The following ADGRB2 variants were observed in gnomAD, a reference collection of about 807,000 sequenced individuals.
ADGRB2 encodes the protein brain-specific angiogenesis inhibitor 2.
ADGRB2 carries 47 observed loss-of-function variants against 178.7 expected under a neutral mutation model. The observed-to-expected ratio is 0.26, with a 90% CI of 0.21 to 0.34. The LOEUF (loss-of-function observed/expected upper bound fraction) is 0.34. Among genes scored for constraint, ADGRB2 ranks in the 10% least tolerant of loss-of-function variants. The probability of loss-of-function intolerance (pLI) is 1.00; values close to 1 mark genes in which losing one functional copy is unlikely to be tolerated. For synonymous variants in ADGRB2, 870 were observed against 912.4 expected, an observed-to-expected ratio of 0.95 and a Z score of 0.84; for missense variants, 1,584 against 2,180.8, an observed-to-expected ratio of 0.73 and a Z score of 5.45.
intron 4 of ADGRB2, among the ~76,000 whole-genome samples, chr1:31,749,651 G>A (rs1461660949): frequency 6.6e-6 from 1 of 152,230 alleles, no homozygotes; most frequent in Non-Finnish European, 1.5e-5. Flanking sequence ...GGTGGCTCAC[G>A]CCTGCAATCA....
chr1:31,756,664 AAG>A lies in ADGRB2; in HGVS notation c.171_172del (p.Phe58SerfsTer15). 1 of 1,609,448 alleles carries A rather than the reference AAG, an allele frequency of 6.2e-7. No individual in the cohort carries two copies. Among genetic ancestry groups the A allele is most frequent in the Non-Finnish European group, 8.5e-7 (1 of 1,177,788 alleles). On this transcript the variant is annotated frameshift_variant, in exon 4 of 33. Transcript: ENST00000373658. LOFTEE classifies it high-confidence loss of function. The surrounding 1 kb of genome is among the most constrained non-coding windows in gnomAD (Gnocchi z 8.5). ...GGAGCAGCCCGAGGCGATGGTAGGA[AAG>A]AGGTCCTGCAGCGAGAAGGCCCCGT... is the stretch of plus-strand genomic sequence containing the variant.
chr1:31,739,357 T>C lies in ADGRB2; in HGVS notation c.2446A>G (p.Ile816Val). 1 of 1,498,866 alleles carries C rather than the reference T, an allele frequency of 6.7e-7. No individual in the cohort carries two copies. The highest frequency in any genetic ancestry group is 8.9e-7 in the Non-Finnish European group (1 of 1,121,520). 92.8% of individuals were successfully genotyped at this position (1,498,866 alleles called of 1,614,324 possible). The stretch of plus-strand genomic sequence containing the variant: ...AGGGTGCGGTAGAGTACAGCACCGA[T>C]CACAAAGTAGGAGGACTCATCAGGG... ...ADPDESSYFV[I>V]GAVLYRTLGL... Residue 816 changes from isoleucine (I) to valine (V), a missense_variant, in exon 15 of 33, where the codon ATC (isoleucine) becomes GTC (valine). Around this residue, in one of 3 missense-constraint regions of ADGRB2, gnomAD observed 865 missense variants for 1,192.8 expected, o/e 0.73. Coordinates refer to ENST00000373658, the MANE Select transcript of ADGRB2 (RefSeq NM_001364857.2).
intron 4 of ADGRB2, among the ~76,000 whole-genome samples, chr1:31,749,744 TCTACAAA>T (rs1244869816): frequency 6.6e-6 from 1 of 152,172 alleles, no homozygotes; most frequent in Non-Finnish European, 1.5e-5. Flanking sequence ...AAACCCCGTC[TCTACAAA>T]GAAATACAAA....
Position 31,728,487 on chromosome 1 carries a change from C to T in ADGRB2, c.4416+111G>A. The T allele has an allele frequency of 6.6e-7, 1 of 1,525,728 alleles. No individual in the cohort carries two copies. Among genetic ancestry groups the T allele is most frequent in the Non-Finnish European group, 9.1e-7 (1 of 1,100,964 alleles). The allele number at this position is 1,525,728 out of a possible 1,614,324, so 94.5% of individuals were successfully genotyped here. A position where few individuals can be genotyped will look rare whatever the true frequency, so the allele number is the denominator to read the frequency against. ...ATCCCACGGAACCCCCGGGCTTGGGCTCCTGGGGTCAGGCTCTGCAACAGA... is the reference window on the plus strand; with the variant it reads ...ATCCCACGGAACCCCCGGGCTTGGGTTCCTGGGGTCAGGCTCTGCAACAGA... On this transcript the variant is annotated intron_variant, in intron 30 of 32. Coordinates refer to ENST00000373658, the MANE Select transcript of ADGRB2 (RefSeq NM_001364857.2). This position sits in a 1 kb window ranked among gnomAD's most constrained non-coding sequence, Gnocchi z 6.7.
intron 6 of ADGRB2, 32 bp from the exon 7 acceptor site, chr1:31,743,034 G>A (rs1044657038): frequency 6.0e-5 from 82 of 1,377,614 alleles, no homozygotes; most frequent in Middle Eastern, 2.7e-4. Context: ...GTGGCTGGGC[G>A]GCACCATGGC....
Position 31,742,861 on chromosome 1 carries a change from A to T in ADGRB2, c.1229T>A (p.Leu410His). 1 of 1,516,336 alleles carries T rather than the reference A, an allele frequency of 6.6e-7. No individual in the cohort carries two copies. The highest frequency in any genetic ancestry group is 1.2e-5 in the South Asian group (1 of 81,398). The allele number at this position is 1,516,336 out of a possible 1,614,324, so 93.9% of individuals were successfully genotyped here. The stretch of plus-strand genomic sequence containing the variant: ...ACCCGGGCAGGCAGCCATACTGCAG[A>T]GCTTAGTCTGCAGCTCAGGACCCTC... ...ACEGPELQTKLCSMAACPVEG... is the reference protein window; with the variant it reads ...ACEGPELQTKHCSMAACPVEG... The change falls in exon 7 of 33, where the codon CTC (leucine) becomes CAC (histidine). Residue 410 changes from leucine to histidine, a missense_variant. Leu to His is a moderately conservative substitution (Grantham distance 99). Transcript: ENST00000373658.
intron 1 of ADGRB2, among the ~76,000 whole-genome samples, chr1:31,762,544 C>T (rs1260261978): frequency 3.3e-5 from 5 of 152,346 alleles, no homozygotes; most frequent in East Asian, 3.9e-4. Flanking sequence ...CGCGGCCAAT[C>T]CTGCTGGTCT....
At chr1:31,747,985 C>T (rs1023677977) in intron 4 of ADGRB2, among the ~76,000 whole-genome samples, 1 of 152,238 alleles carries the variant, frequency 6.6e-6, no homozygotes, top group African/African-American at 2.4e-5. Flanking sequence ...CCATCCAGCT[C>T]CTGTGTGGGC....
Position 31,727,144 on chromosome 1 carries a change from A to C in ADGRB2, c.*276T>G, listed in dbSNP as rs1645031752. ...CACAGAGTGAAGTTTATTCCCAACA[A>C]AGTTCCCCTCCCCCCTCCCCAGCCC... On this transcript the variant is annotated 3_prime_UTR_variant, in exon 33 of 33. Coordinates refer to ENST00000373658, the MANE Select transcript of ADGRB2 (RefSeq NM_001364857.2). This position sits in a 1 kb window ranked among gnomAD's most constrained non-coding sequence, Gnocchi z 4.4. The C allele has an allele frequency of 5.0e-6, 2 of 402,770 alleles. No homozygotes were observed. Among genetic ancestry groups the C allele is most frequent in the African/African-American group, 4.3e-5 (2 of 46,982 alleles). 24.9% of individuals were successfully genotyped at this position (402,770 alleles called of 1,614,324 possible). A position where few individuals can be genotyped will look rare whatever the true frequency, so the allele number is the denominator to read the frequency against.
At position 31,758,457 on chromosome 1, in the gene ADGRB2, A is replaced by C. The variant is rs1646938198; in HGVS notation, c.-190-946T>G. The stretch of plus-strand genomic sequence containing the variant: ...ACAGGTATGACTAGATTCTCCCAAG[A>C]CACAGTTGCTCCCAGGGAACAGACT... On this transcript the variant is annotated intron_variant, in intron 1 of 32. Coordinates refer to ENST00000373658, the MANE Select transcript of ADGRB2 (RefSeq NM_001364857.2). The surrounding 1 kb of genome is among the most constrained non-coding windows in gnomAD (Gnocchi z 4.2). 6.6e-6 allele frequency among the ~76,000 whole-genome samples: 1 copy of C among 152,216 alleles called. No homozygotes were observed. Among genetic ancestry groups the C allele is most frequent in the Non-Finnish European group, 1.5e-5 (1 of 68,034 alleles).
rs766443769 is a variant in ADGRB2, at chr1:31,733,019, C to G, written c.3577G>C (p.Ala1193Pro). ...FQALFAVFNS[A>P]QGFVITAVHC... ...ACAGCAGTGATGACAAAGCCCTGCG[C>G]GGAGTTGAAGACAGCAAAGAGGGCC... is the stretch of plus-strand genomic sequence containing the variant. Residue 1193 changes from alanine (A) to proline (P), a missense_variant, in exon 26 of 33, where the codon GCG becomes CCG. Coordinates refer to ENST00000373658, the MANE Select transcript of ADGRB2 (RefSeq NM_001364857.2). The surrounding 1 kb of genome is among the most constrained non-coding windows in gnomAD (Gnocchi z 4.3). 1.3e-6 allele frequency: 2 copies of G among 1,570,168 alleles called. No homozygotes were observed. Among genetic ancestry groups the G allele is most frequent in the South Asian group, 2.3e-5 (2 of 85,392 alleles).
rs1410196872 is a variant in ADGRB2 at position 31,761,335 on chromosome 1, G to A, written c.-191+2549C>T. 1.3e-5 allele frequency among the ~76,000 whole-genome samples: 2 copies of A among 152,208 alleles called. No individual in the cohort carries two copies. Among genetic ancestry groups the A allele is most frequent in the South Asian group, 2.1e-4 (1 of 4,824 alleles). ...TCAAACTCCTCAGGCCCTCAGGCCC[G>A]GTGGCCCTGCTAACTCTGACCCAAG... is the stretch of plus-strand genomic sequence containing the variant. On this transcript the variant is annotated intron_variant, in intron 1 of 32. Transcript: ENST00000373658. This position sits in a 1 kb window ranked among gnomAD's most constrained non-coding sequence, Gnocchi z 4.2.
chr1:31,730,766 TCAGA>T (rs1344498797), intron 29 of ADGRB2, 30 bp downstream of exon 29: 1 of 1,466,002 alleles, frequency 6.8e-7, no homozygotes, highest in East Asian at 2.4e-5. Context: ...TGACACAGTC[TCAGA>T]CACACACCCC....
chr1:31,750,408 C>T (rs975737037), intron 4 of ADGRB2, among the ~76,000 whole-genome samples: 1 of 152,180 alleles, frequency 6.6e-6, no homozygotes, highest in Non-Finnish European at 1.5e-5. Context: ...CTTGCTTCAC[C>T]CCTGGTGCCA....
rs1645068443 is a variant in ADGRB2, at chr1:31,727,901, G to A, written c.4572+124C>T. The stretch of plus-strand genomic sequence containing the variant: ...CCCCACCCCCAGGCGGCCCCAGACT[G>A]TTGCCCATGCCGTGGGGGAGGCCCT... On this transcript the variant is annotated intron_variant, in intron 32 of 32. Coordinates refer to ENST00000373658, the MANE Select transcript of ADGRB2 (RefSeq NM_001364857.2). The surrounding 1 kb of genome is among the most constrained non-coding windows in gnomAD (Gnocchi z 4.4). 6.1e-6 allele frequency: 8 copies of A among 1,307,658 alleles called. No homozygotes were observed. The highest frequency in any genetic ancestry group is 8.2e-6 in the Non-Finnish European group (8 of 972,560). The allele number at this position is 1,307,658 out of a possible 1,614,324, so 81.0% of individuals were successfully genotyped here.
At position 31,744,265 on chromosome 1, in the gene ADGRB2, A is replaced by G; in HGVS notation, c.1015T>C (p.Ser339Pro). 6.4e-7 allele frequency: 1 copy of G among 1,550,732 alleles called. No homozygotes were observed. Among genetic ancestry groups the G allele is most frequent in the Non-Finnish European group, 8.7e-7 (1 of 1,146,596 alleles). The change falls in exon 6 of 33, where the codon TCC (serine) becomes CCC (proline). Residue 339 changes from serine (S) to proline (P), a missense_variant. By Grantham distance (74) the Ser-to-Pro change is moderately conservative (BLOSUM62 -1). Coordinates refer to ENST00000373658, the MANE Select transcript of ADGRB2 (RefSeq NM_001364857.2). The surrounding 1 kb of genome is among the most constrained non-coding windows in gnomAD (Gnocchi z 6.7). ...LQVRTRSCVS[S>P]PYGTLCSGPL... ...CCGCTGCACAGGGTCCCATAGGGGG[A>G]GGACACACAGGAGCGGGTCCGCACC...
chr1:31,749,864 T>A (rs980669740), intron 4 of ADGRB2, among the ~76,000 whole-genome samples: 7 of 151,894 alleles, frequency 4.6e-5, no homozygotes, highest in Non-Finnish European at 8.8e-5. Flanking sequence ...CTGCAGTAAG[T>A]CATGATTGTG....
chr1:31,731,304 G>A lies in ADGRB2; in HGVS notation c.3876C>T (p.Ser1292=), dbSNP rs1645270284. 4 of 1,612,334 alleles carry A rather than the reference G, an allele frequency of 2.5e-6. No homozygotes were observed. The highest frequency in any genetic ancestry group is 2.2e-5 in the East Asian group (1 of 44,878). Residue 1292 remains serine, a synonymous_variant, in exon 29 of 33, where the codon AGC becomes AGT. Coordinates refer to ENST00000373658, the MANE Select transcript of ADGRB2 (RefSeq NM_001364857.2). ...PKSCLVGPEG[S]LSFSPLPGNI... Reference sequence around the variant, plus strand: ...TCCCAGGCAGTGGTGAGAAGCTGAGGCTGCCCTCAGGGCCCACGAGGCAGG... The same window carrying A: ...TCCCAGGCAGTGGTGAGAAGCTGAGACTGCCCTCAGGGCCCACGAGGCAGG...
At chr1:31,743,202 C>T (rs924936309) in intron 6 of ADGRB2, among the ~76,000 whole-genome samples, 200 bp from the exon 7 acceptor site, 1 of 152,156 alleles carries the variant, frequency 6.6e-6, no homozygotes, top group African/African-American at 2.4e-5. Context: ...AAGACACAGG[C>T]TTCCGGTCCT....
Sources: gnomAD v4.1 joint callset for allele counts (sites outside exome capture counted in the v4.1 genomes callset) on GRCh38, gnomAD v4.1.1 for gene constraint, gnomAD v4.1.1 regional missense constraint, Gnocchi (gnomAD v3.1) non-coding constraint, MANE v1.5 for transcripts, NCBI Gene and HGNC (gene_info 2026-07-23, HGNC 2026-07-21) for gene names.